ARHGAP24: variants seen among roughly 807,000 people sequenced by gnomAD.
The protein encoded by ARHGAP24 is rho GTPase-activating protein 24.
A neutral mutation model predicts 76.4 loss-of-function variants in ARHGAP24; 50 were observed. The ratio of observed to expected loss-of-function variants is 0.65; its 90% CI spans 0.52 to 0.83. ARHGAP24 has a LOEUF of 0.83. Among genes scored for constraint, ARHGAP24 ranks in the 40% least tolerant of loss-of-function variants. The pLI is 0.00. For missense variants in ARHGAP24, 930 were observed against 914.2 expected (o/e 1.02, Z -0.22); for synonymous variants, 345 against 323.3 (o/e 1.07, Z -0.72).
In ARHGAP24 at chr4:85,910,137, G is replaced by T. The variant is rs143529253; in HGVS notation, c.269-13511G>T. On this transcript the variant is annotated intron_variant, in intron 3 of 9. Coordinates refer to ENST00000395184, the MANE Select transcript of ARHGAP24 (RefSeq NM_001025616.3). ...CAGCCAGGCTGCGGCTAGACCAGGT[G>T]CACTGCAAGCAGCTTCACTGGCTGG... Among the ~76,000 whole-genome samples the T allele has an allele frequency of 7.2e-4, 110 of 152,322 alleles. 1 individual carries two copies. Among genetic ancestry groups the T allele is most frequent in the Non-Finnish European group, 1.4e-3 (95 of 68,014 alleles).
chr4:85,689,974 C>G (rs1723569424), intron 2 of ARHGAP24, among the ~76,000 whole-genome samples: 1 of 152,096 alleles, frequency 6.6e-6, no homozygotes. Context: ...AGCTTTTGCC[C>G]ATTCAGTACA....
At chr4:85,817,563 C>T (rs1380427464) in intron 3 of ARHGAP24, among the ~76,000 whole-genome samples, 2 of 152,068 alleles carry the variant, frequency 1.3e-5, no homozygotes, top group Non-Finnish European at 2.9e-5. Context: ...ATTTGTGAAA[C>T]CTTACTGAAT....
intron 3 of ARHGAP24, among the ~76,000 whole-genome samples, chr4:85,858,581 G>A (rs1031240719): frequency 1.3e-5 from 2 of 152,132 alleles, no homozygotes; most frequent in Admixed American, 6.6e-5. Flanking sequence ...CTATGCAAAT[G>A]TTAAAGAAAA....
chr4:85,584,225 A>G (rs1181917809), intron 2 of ARHGAP24, among the ~76,000 whole-genome samples: 3 of 152,294 alleles, frequency 2.0e-5, no homozygotes, highest in East Asian at 1.9e-4. Context: ...GGATTAAGAA[A>G]TGTGGCACAT....
chr4:85,586,758 C>A (rs768493344), intron 2 of ARHGAP24, among the ~76,000 whole-genome samples: 1 of 151,966 alleles, frequency 6.6e-6, no homozygotes, highest in African/African-American at 2.4e-5. Flanking sequence ...ATTAGCCAGG[C>A]ATGGTGGCAC....
chr4:85,657,602 C>T (rs1422124420), intron 2 of ARHGAP24, among the ~76,000 whole-genome samples: 3 of 152,216 alleles, frequency 2.0e-5, no homozygotes, highest in Non-Finnish European at 4.4e-5. Context: ...TCAGCTTGCT[C>T]TCCCATGGAG....
At chr4:85,496,823 T>C (rs1723602410) in intron 1 of ARHGAP24, among the ~76,000 whole-genome samples, 1 of 152,240 alleles carries the variant, frequency 6.6e-6, no homozygotes, top group South Asian at 2.1e-4. Flanking sequence ...GGGAAATTAA[T>C]ATTACCCAAA....
chr4:85,754,485 G>A (rs1199854007), intron 3 of ARHGAP24, among the ~76,000 whole-genome samples: 1 of 152,180 alleles, frequency 6.6e-6, no homozygotes, highest in Non-Finnish European at 1.5e-5. Flanking sequence ...CCTTATGAGA[G>A]TAAGTTTAGT....
intron 2 of ARHGAP24, among the ~76,000 whole-genome samples, chr4:85,605,949 C>A (rs1403435049): frequency 6.6e-6 from 1 of 152,152 alleles, no homozygotes; most frequent in African/African-American, 2.4e-5. Flanking sequence ...AAGAATTATA[C>A]TTATTTATGG....
At chr4:85,886,125 A>G (rs1467988082) in intron 3 of ARHGAP24, among the ~76,000 whole-genome samples, 1 of 152,176 alleles carries the variant, frequency 6.6e-6, no homozygotes, top group Non-Finnish European at 1.5e-5. Context: ...TGAACTCAAA[A>G]GTAATTCATT....
chr4:85,716,836 G>A (rs7376588), intron 2 of ARHGAP24, among the ~76,000 whole-genome samples: 138,413 of 152,106 alleles, frequency 0.91, 64,373 homozygotes, highest in East Asian at 1. Flanking sequence ...TGGGGAAGCC[G>A]GTGACTTTAA....
chr4:85,916,880 A>G lies in ARHGAP24; in HGVS notation c.269-6768A>G, dbSNP rs1735434624. ...TAATTATTTATTGGAGATGATGCAC[A>G]TATCTTCTAAGAAAGACATCACTTC... is the stretch of plus-strand genomic sequence containing the variant. On this transcript the variant is annotated intron_variant, in intron 3 of 9. Coordinates refer to ENST00000395184, the MANE Select transcript of ARHGAP24 (RefSeq NM_001025616.3). Among the ~76,000 whole-genome samples, 6 of 152,310 alleles carry G rather than the reference A, an allele frequency of 3.9e-5. No individual in the cohort carries two copies. In the South Asian group the frequency reaches 1.2e-3, roughly 32 times the overall value.
chr4:85,510,473 T>C (rs1724232391), intron 1 of ARHGAP24, among the ~76,000 whole-genome samples: 1 of 151,492 alleles, frequency 6.6e-6, no homozygotes, highest in African/African-American at 2.4e-5. Flanking sequence ...CTCTACCCGT[T>C]TGCCTTCTTC....
chr4:85,825,712 A>T lies in ARHGAP24; in HGVS notation c.269-97936A>T, dbSNP rs1036686141. Among the ~76,000 whole-genome samples, 6 of 152,208 alleles carry T rather than the reference A, an allele frequency of 3.9e-5. No individual in the cohort carries two copies. The East Asian group carries it at 7.7e-4, about 20-fold the overall frequency. On this transcript the variant is annotated intron_variant, in intron 3 of 9. Coordinates refer to ENST00000395184, the MANE Select transcript of ARHGAP24 (RefSeq NM_001025616.3). Reference sequence around the variant, plus strand: ...TGCATCCTGCAATGAATTCATTGTTAAAAAAAATCAAAACTCATTTTTCTA... The same window carrying T: ...TGCATCCTGCAATGAATTCATTGTTTAAAAAAATCAAAACTCATTTTTCTA...
At chr4:85,972,014 C>A in intron 5 of ARHGAP24, 22 bp from the exon 6 acceptor site, 2 of 1,613,894 alleles carry the variant, frequency 1.2e-6, no homozygotes, top group Non-Finnish European at 1.7e-6. Flanking sequence ...CAAAGAATAT[C>A]TTCACACTTC....
intron 5 of ARHGAP24, among the ~76,000 whole-genome samples, chr4:85,960,660 A>G (rs1198136125): frequency 6.6e-6 from 1 of 152,190 alleles, no homozygotes; most frequent in African/African-American, 2.4e-5. Flanking sequence ...CTGATATCTC[A>G]GGAAGTAGAA....
intron 3 of ARHGAP24, among the ~76,000 whole-genome samples, chr4:85,851,953 C>G (rs1477093941): frequency 6.6e-6 from 1 of 152,100 alleles, no homozygotes; most frequent in Non-Finnish European, 1.5e-5. Flanking sequence ...CAAGGAGTGT[C>G]TTTGTAGTGT....
At chr4:85,986,826 T>C (rs940076200) in intron 8 of ARHGAP24, among the ~76,000 whole-genome samples, 2 of 152,146 alleles carry the variant, frequency 1.3e-5, no homozygotes, top group South Asian at 2.1e-4. Flanking sequence ...TGCAAAGTCC[T>C]GATAATGAGG....
At chr4:85,898,950 G>A (rs1345037766) in intron 3 of ARHGAP24, among the ~76,000 whole-genome samples, 2 of 152,030 alleles carry the variant, frequency 1.3e-5, no homozygotes, top group Admixed American at 6.6e-5. Context: ...CACCATGTTG[G>A]CCGGGCTAGT....
Sources: gnomAD v4.1 joint callset for allele counts (sites outside exome capture counted in the v4.1 genomes callset) on GRCh38, gnomAD v4.1.1 for gene constraint, MANE v1.5 for transcripts, NCBI Gene and HGNC (gene_info 2026-07-23, HGNC 2026-07-21) for gene names.